ZFP90: variants seen among roughly 807,000 people sequenced by gnomAD.
The protein encoded by ZFP90 is zinc finger protein 90 homolog.
Under a neutral mutation model 60.8 loss-of-function variants are expected in ZFP90, and 38 were observed. That is an observed-to-expected ratio of 0.62 (90% confidence interval 0.48 to 0.82). ZFP90 has a LOEUF of 0.82. ZFP90 is among the 40% of genes least tolerant of loss of function. The probability of loss-of-function intolerance (pLI) is 0.00; values close to 1 mark genes in which losing one functional copy is unlikely to be tolerated. For synonymous variants in ZFP90, 287 were observed against 264.8 expected (o/e 1.08, Z -0.82); for missense variants, 711 against 759.1 (o/e 0.94, Z 0.74).
At position 68,564,757 on chromosome 16, in the gene ZFP90, C is replaced by G; in HGVS notation, c.*59C>G. 1 of 1,528,206 alleles carries G rather than the reference C, an allele frequency of 6.5e-7. No individual in the cohort carries two copies. The highest frequency in any genetic ancestry group is 2.3e-5 in the East Asian group (1 of 44,222). 94.7% of individuals were successfully genotyped at this position (1,528,206 alleles called of 1,614,324 possible). On this transcript the variant is annotated 3_prime_UTR_variant, in exon 5 of 5. Coordinates refer to ENST00000563169, the MANE Select transcript of ZFP90 (RefSeq NM_001305203.2). Reference sequence around the variant, plus strand: ...TAGCTAAAATGTTCTGATTCAGGATCAGAGGATTCTTAGAGAGCTTGGGAA... The same window carrying G: ...TAGCTAAAATGTTCTGATTCAGGATGAGAGGATTCTTAGAGAGCTTGGGAA...
chr16:68,559,489 A>G (rs1310393179), intron 4 of ZFP90, among the ~76,000 whole-genome samples: 1 of 152,090 alleles, frequency 6.6e-6, no homozygotes, highest in African/African-American at 2.4e-5. Context: ...TTTTCTTCCT[A>G]TGAGAAGTAG....
chr16:68,538,488 C>T (rs955352964), upstream of ZFP90, among the ~76,000 whole-genome samples: 12 of 151,766 alleles, frequency 7.9e-5, no homozygotes, highest in Non-Finnish European at 1.6e-4. Flanking sequence ...TTTGGGAGGC[C>T]GAGGCGAGTT....
chr16:68,566,392 T>C lies in ZFP90; in HGVS notation c.*1694T>C. 5 of 985,598 alleles carry C rather than the reference T, an allele frequency of 5.1e-6. No individual in the cohort carries two copies. Among genetic ancestry groups the C allele is most frequent in the Non-Finnish European group, 6.0e-6 (5 of 829,942 alleles). 61.1% of individuals were successfully genotyped at this position (985,598 alleles called of 1,614,324 possible). On this transcript the variant is annotated 3_prime_UTR_variant, in exon 5 of 5. Transcript: ENST00000563169. ...ATCATGGGGCAAGATATTGGTCGTA[T>C]TGATGGTGAACCTTTCCTACTGGAT...
At chr16:68,571,638 G>A (rs1282012819), downstream of ZFP90, among the ~76,000 whole-genome samples, 1 of 152,166 alleles carries the variant, frequency 6.6e-6, no homozygotes, top group Admixed American at 6.5e-5. Flanking sequence ...GCCTAAGAAA[G>A]AAGGGAGGGA....
chr16:68,571,090 G>A (rs116404601), downstream of ZFP90, among the ~76,000 whole-genome samples: 424 of 152,304 alleles, frequency 2.8e-3, 2 homozygotes, highest in African/African-American at 9.9e-3. Flanking sequence ...TCAGAACCAG[G>A]GCTTGTATCT....
At chr16:68,538,230 A>G (rs1020834860), upstream of ZFP90, among the ~76,000 whole-genome samples, 6 of 152,038 alleles carry the variant, frequency 3.9e-5, no homozygotes, top group Non-Finnish European at 8.8e-5. Flanking sequence ...TTATTTTTGA[A>G]TGTTCATATT....
downstream of ZFP90, among the ~76,000 whole-genome samples, chr16:68,570,575 T>A (rs2091562324): frequency 6.6e-6 from 1 of 152,238 alleles, no homozygotes; most frequent in South Asian, 2.1e-4. Context: ...TGCCATGGTA[T>A]TTGTAAATGT....
chr16:68,554,076 T>C (rs2091302622), intron 2 of ZFP90, among the ~76,000 whole-genome samples: 2 of 150,978 alleles, frequency 1.3e-5, no homozygotes, highest in African/African-American at 2.4e-5. Flanking sequence ...GTGACAGAAA[T>C]AGGGAAAAGT....
chr16:68,556,230 T>C (rs1178913184), intron 2 of ZFP90, among the ~76,000 whole-genome samples: 1 of 152,088 alleles, frequency 6.6e-6, no homozygotes, highest in East Asian at 1.9e-4. Flanking sequence ...AGGTGACTCA[T>C]GGTTTAACAA....
At position 68,566,548 on chromosome 16, in the gene ZFP90, TCAA is replaced by T; in HGVS notation, c.*1851_*1853del. On this transcript the variant is annotated 3_prime_UTR_variant, in exon 5 of 5. Coordinates refer to ENST00000563169, the MANE Select transcript of ZFP90 (RefSeq NM_001305203.2). ...GGGGCTGAAATGTAATATGTGTAGC[TCAA>T]TTAGTCTCTCCTCTGTGATGCAAAA... 2 of 985,560 alleles carry T rather than the reference TCAA, an allele frequency of 2.0e-6. No homozygotes were observed. Among genetic ancestry groups the T allele is most frequent in the South Asian group, 9.4e-5 (2 of 21,282 alleles). The allele number at this position is 985,560 out of a possible 1,614,324, so 61.1% of individuals were successfully genotyped here. A position where few individuals can be genotyped will look rare whatever the true frequency, so the allele number is the denominator to read the frequency against.
At position 68,546,759 on chromosome 16, in the gene ZFP90, A is replaced by G. The variant is rs375042678; in HGVS notation, c.33+6934A>G. On this transcript the variant is annotated intron_variant, in intron 2 of 4. Coordinates refer to ENST00000563169, the MANE Select transcript of ZFP90 (RefSeq NM_001305203.2). Reference sequence around the variant, plus strand: ...ACTCCAGACCTCAAGTGATCTGCCCACCTCAGCCTCCCAAAGTGCTGGGAT... The same window carrying G: ...ACTCCAGACCTCAAGTGATCTGCCCGCCTCAGCCTCCCAAAGTGCTGGGAT... 1.9e-3 allele frequency among the ~76,000 whole-genome samples: 282 copies of G among 152,198 alleles called. 5 individuals are homozygous for G. In the South Asian group the frequency reaches 0.056, roughly 30 times the overall value.
chr16:68,552,420 G>GC (rs1264133428), intron 2 of ZFP90, among the ~76,000 whole-genome samples: 1 of 152,102 alleles, frequency 6.6e-6, no homozygotes, highest in Non-Finnish European at 1.5e-5. Context: ...CTAGAGAGAG[G>GC]CCCAGGGAGG....
chr16:68,552,377 A>C (rs2091277383), intron 2 of ZFP90, among the ~76,000 whole-genome samples: 1 of 152,178 alleles, frequency 6.6e-6, no homozygotes, highest in African/African-American at 2.4e-5. Flanking sequence ...TGGGTAACAG[A>C]CACCTGAATG....
upstream of ZFP90, chr16:68,535,464 G>C (rs1381322419): frequency 6.6e-6 from 1 of 152,142 alleles, no homozygotes; most frequent in Non-Finnish European, 1.5e-5. Context: ...TGGGGTCTGG[G>C]TTTTGTCACT....
At chr16:68,545,138 C>G (rs2091125145) in intron 2 of ZFP90, among the ~76,000 whole-genome samples, 1 of 151,880 alleles carries the variant, frequency 6.6e-6, no homozygotes, top group African/African-American at 2.4e-5. Context: ...CTCGGCCGCC[C>G]AAAGTGCTGG....
chr16:68,544,968 C>T (rs2091121563), intron 2 of ZFP90, among the ~76,000 whole-genome samples: 1 of 146,394 alleles, frequency 6.8e-6, no homozygotes, highest in Admixed American at 7.1e-5. Flanking sequence ...CAACCTCCGC[C>T]TCCCGGGTTC....
Position 68,575,696 on chromosome 16 carries a change from C to G in ZFP90, c.224-95C>G, listed in dbSNP as rs117132874. 1,219 of 396,748 alleles carry G rather than the reference C, an allele frequency of 3.1e-3. 25 individuals are homozygous for G. In the East Asian group the frequency reaches 0.043, roughly 14 times the overall value. The allele number at this position is 396,748 out of a possible 1,614,324, so 24.6% of individuals were successfully genotyped here. On this transcript the variant is annotated intron_variant, in intron 2 of 2. Coordinates refer to the ZFP90 transcript ENST00000573113. ...CAGATGGGAAGACAGGTTCTCAATC[C>G]GGTCTGTGGATTTACCGAGGATTTG...
At chr16:68,534,562 G>A (rs376230147), upstream of ZFP90, among the ~76,000 whole-genome samples, 2 of 151,350 alleles carry the variant, frequency 1.3e-5, no homozygotes, top group East Asian at 3.9e-4. Context: ...TAAGATTTTG[G>A]ACTCTTGTTC....
intron 2 of ZFP90, among the ~76,000 whole-genome samples, chr16:68,540,218 C>T (rs953832312): frequency 2.0e-5 from 3 of 152,124 alleles, no homozygotes; most frequent in African/African-American, 4.8e-5. Flanking sequence ...GCCCCAGCTT[C>T]TGACCCAGGG....
Sources: allele counts gnomAD v4.1 joint callset (sites outside exome capture counted in the v4.1 genomes callset), GRCh38; gene constraint gnomAD v4.1.1; transcripts MANE v1.5; gene names NCBI Gene and HGNC (gene_info 2026-07-23, HGNC 2026-07-21).